TXNDC11: variants seen among roughly 807,000 people sequenced by gnomAD.
The protein encoded by TXNDC11 is thioredoxin domain containing 11.
In TXNDC11, 68 loss-of-function variants were observed where a neutral mutation model predicts 78.0. The ratio of observed to expected loss-of-function variants is 0.87; its 90% CI spans 0.72 to 1.07. TXNDC11 has a LOEUF of 1.07. Among genes scored for constraint, TXNDC11 ranks in the 50% least tolerant of loss-of-function variants. The pLI, the probability that TXNDC11 is intolerant of heterozygous loss-of-function variation, is 0.00. For synonymous variants in TXNDC11, 571 were observed against 495.2 expected, an observed-to-expected ratio of 1.15 and a Z score of -2.03; for missense variants, 1,389 against 1,221.8, an observed-to-expected ratio of 1.14 and a Z score of -2.04.
At chr16:11,681,710 A>G (rs1365478574) in intron 11 of TXNDC11, among the ~76,000 whole-genome samples, 1 of 152,148 alleles carries the variant, frequency 6.6e-6, no homozygotes, top group Non-Finnish European at 1.5e-5. Context: ...CAGAGCACCT[A>G]TATTTTGCAA....
chr16:11,742,821 G>A lies in TXNDC11; in HGVS notation c.-91C>T, dbSNP rs1370928059. 46 of 1,366,028 alleles carry A rather than the reference G, an allele frequency of 3.4e-5. No individual in the cohort carries two copies. Among genetic ancestry groups the A allele is most frequent in the South Asian group, 5.6e-5 (3 of 53,284 alleles). 84.6% of individuals were successfully genotyped at this position (1,366,028 alleles called of 1,614,324 possible). A position where few individuals can be genotyped will look rare whatever the true frequency, so the allele number is the denominator to read the frequency against. ...CCGTTGCTCCCCAATCCCGCAGCTCGCCGCACCCGCTAACCCGGACGCTCC... is the reference window on the plus strand; with the variant it reads ...CCGTTGCTCCCCAATCCCGCAGCTCACCGCACCCGCTAACCCGGACGCTCC... On this transcript the variant is annotated 5_prime_UTR_variant, in exon 1 of 12. Coordinates refer to ENST00000283033, the MANE Select transcript of TXNDC11 (RefSeq NM_015914.7).
chr16:11,724,768 C>T (rs1273696274), intron 4 of TXNDC11, among the ~76,000 whole-genome samples: 1 of 152,084 alleles, frequency 6.6e-6, no homozygotes, highest in Non-Finnish European at 1.5e-5. Context: ...TTTTTGGAGA[C>T]AGAGTCTTTC....
chr16:11,679,376 G>A lies in TXNDC11; in HGVS notation c.2696C>T (p.Ala899Val), dbSNP rs745740555. ...GCCCTCCAGTTTCCTCTCCATGGTC[G>A]CCACCAGGATCTTGAGCCACGTGTT... The part of the protein sequence containing the change: ...TENTWLKILV[A>V]TMERKLEGRD... The change falls in exon 12 of 12, where the codon GCG becomes GTG. Residue 899 changes from alanine (A) to valine (V), a missense_variant. Ala to Val is a moderately conservative substitution (Grantham distance 64, BLOSUM62 0). Coordinates refer to ENST00000283033, the MANE Select transcript of TXNDC11 (RefSeq NM_015914.7). This position sits in a 1 kb window ranked among gnomAD's most constrained non-coding sequence, Gnocchi z 4.6. 1.2e-5 allele frequency: 20 copies of A among 1,610,576 alleles called. No homozygotes were observed. The highest frequency in any genetic ancestry group is 3.3e-5 in the South Asian group (3 of 90,926).
At chr16:11,700,426 C>T (rs1447012351) in intron 6 of TXNDC11, 26 bp downstream of exon 6, 6 of 1,181,548 alleles carry the variant, frequency 5.1e-6, no homozygotes, top group Non-Finnish European at 7.5e-6. Context: ...ACTGCGCTAA[C>T]ATAAACGTGA....
chr16:11,715,121 G>A lies in TXNDC11; in HGVS notation c.793+6456C>T, dbSNP rs577742943. Among the ~76,000 whole-genome samples the A allele has an allele frequency of 5.4e-4, 82 of 152,206 alleles. 1 individual carries two copies. The highest frequency in any genetic ancestry group is 4.8e-3 in the South Asian group (23 of 4,830). ...ACAAAAATCAGCCAGGCCTAGTGGC[G>A]TGTGCCTGTAGTCCCAGCTACTCGA... is the stretch of plus-strand genomic sequence containing the variant. On this transcript the variant is annotated intron_variant, in intron 5 of 11. Coordinates refer to ENST00000283033, the MANE Select transcript of TXNDC11 (RefSeq NM_015914.7).
chr16:11,710,958 A>AT (rs1192848332), intron 5 of TXNDC11, among the ~76,000 whole-genome samples: 2 of 151,828 alleles, frequency 1.3e-5, no homozygotes, highest in Non-Finnish European at 2.9e-5. Flanking sequence ...GACATGGCCT[A>AT]TTGTCTATTA....
chr16:11,683,913 G>C (rs953080176), intron 11 of TXNDC11, among the ~76,000 whole-genome samples: 4 of 151,974 alleles, frequency 2.6e-5, no homozygotes, highest in Non-Finnish European at 2.9e-5. Context: ...ACCATGCCTG[G>C]CTAATTTTTG....
At chr16:11,712,929 AACACACAC>A (rs111887849) in intron 5 of TXNDC11, among the ~76,000 whole-genome samples, 13 of 142,086 alleles carry the variant, frequency 9.1e-5, no homozygotes, top group South Asian at 7.0e-4. Context: ...TTCCACTTAA[AACACACAC>A]ACACACACAC....
intron 5 of TXNDC11, among the ~76,000 whole-genome samples, chr16:11,711,179 C>T (rs2051342904): frequency 6.6e-6 from 1 of 151,328 alleles, no homozygotes; most frequent in Non-Finnish European, 1.5e-5. Flanking sequence ...CATATCATAT[C>T]ACCTGCTGCA....
chr16:11,685,092 A>T (rs1299220009), intron 10 of TXNDC11, among the ~76,000 whole-genome samples: 1 of 152,270 alleles, frequency 6.6e-6, no homozygotes, highest in Non-Finnish European at 1.5e-5. Flanking sequence ...GGCTGAGCAC[A>T]GGGGCTCACG....
At chr16:11,722,680 C>G (rs888317259) in intron 4 of TXNDC11, among the ~76,000 whole-genome samples, 2 of 152,042 alleles carry the variant, frequency 1.3e-5, no homozygotes, top group African/African-American at 4.8e-5. Context: ...CCTGATGAAC[C>G]GTAAAGCACT....
At chr16:11,717,907 G>T (rs1479549306) in intron 5 of TXNDC11, among the ~76,000 whole-genome samples, 2 of 151,930 alleles carry the variant, frequency 1.3e-5, no homozygotes, top group Non-Finnish European at 2.9e-5. Context: ...GTGGACCAAG[G>T]TAAACTGACA....
intron 10 of TXNDC11, 119 bp downstream of exon 10, chr16:11,687,738 C>T (rs927693084): frequency 8.7e-6 from 6 of 689,772 alleles, no homozygotes; most frequent in Middle Eastern, 3.2e-4. Flanking sequence ...TTAAATTCAG[C>T]CAAGTCCTAC....
intron 3 of TXNDC11, among the ~76,000 whole-genome samples, chr16:11,733,195 G>T (rs1284846514): frequency 3.9e-5 from 6 of 152,082 alleles, no homozygotes; most frequent in Non-Finnish European, 8.8e-5. Flanking sequence ...GGCGGAGGCT[G>T]CAGTGAGCCG....
chr16:11,721,500 T>A, intron 5 of TXNDC11, 77 bp downstream of exon 5: 5 of 759,892 alleles, frequency 6.6e-6, no homozygotes. Flanking sequence ...AGAATATATA[T>A]TCATAATAAC....
Position 11,699,053 on chromosome 16 carries a change from A to C in TXNDC11, c.907-728T>G, listed in dbSNP as rs142066429. On this transcript the variant is annotated intron_variant, in intron 6 of 11. Coordinates refer to ENST00000283033, the MANE Select transcript of TXNDC11 (RefSeq NM_015914.7). ...CACTGGCTTCAAACAGAACTACCAA[A>C]GGGGTGCTTCAGAGGGTTCTGAAAA... Among the ~76,000 whole-genome samples, 525 of 152,366 alleles carry C rather than the reference A, an allele frequency of 3.4e-3. 3 individuals are homozygous for C. The highest frequency in any genetic ancestry group is 0.012 in the African/African-American group (490 of 41,584).
chr16:11,680,742 A>G (rs1397642692), intron 11 of TXNDC11, among the ~76,000 whole-genome samples: 1 of 152,170 alleles, frequency 6.6e-6, no homozygotes, highest in African/African-American at 2.4e-5. Flanking sequence ...GGGACTCCAG[A>G]GCCTGGCTGC....
Position 11,679,413 on chromosome 16 carries a change from G to A in TXNDC11, c.2659C>T (p.Leu887Phe). Residue 887 changes from leucine (L) to phenylalanine (F), a missense_variant, in exon 12 of 12, where the codon CTC becomes TTC. Physicochemically the swap from Leu to Phe is conservative, Grantham distance 22. Transcript: ENST00000283033. This position sits in a 1 kb window ranked among gnomAD's most constrained non-coding sequence, Gnocchi z 4.6. The part of the protein sequence containing the change: ...LQELADASEN[L>F]LTENTWLKIL... Reference sequence around the variant, plus strand: ...TTGAGCCACGTGTTCTCGGTAAGGAGGTTTTCTGAGGCATCGGCCAGCTCC... The same window carrying A: ...TTGAGCCACGTGTTCTCGGTAAGGAAGTTTTCTGAGGCATCGGCCAGCTCC... The A allele has an allele frequency of 6.2e-7, 1 of 1,613,472 alleles. No homozygotes were observed. Among genetic ancestry groups the A allele is most frequent in the Non-Finnish European group, 8.5e-7 (1 of 1,179,840 alleles).
intron 5 of TXNDC11, among the ~76,000 whole-genome samples, chr16:11,707,989 C>T (rs1463330193): frequency 6.6e-6 from 1 of 152,024 alleles, no homozygotes; most frequent in African/African-American, 2.4e-5. Context: ...GAGGCTGATG[C>T]AGGAGGAATG....
Sources: gnomAD v4.1 joint callset for allele counts (sites outside exome capture counted in the v4.1 genomes callset) on GRCh38, gnomAD v4.1.1 for gene constraint, Gnocchi (gnomAD v3.1) non-coding constraint, MANE v1.5 for transcripts, NCBI Gene and HGNC (gene_info 2026-07-23, HGNC 2026-07-21) for gene names.